Variants in ELL observed in about 807,000 individuals in gnomAD.
ELL encodes the protein RNA polymerase II elongation factor ELL.
ELL carries 18 observed loss-of-function variants against 64.0 expected under a neutral mutation model. That is an observed-to-expected ratio of 0.28 (90% CI 0.19 to 0.42). The LOEUF (loss-of-function observed/expected upper bound fraction) is 0.42. Ranked by LOEUF, ELL falls within the 10% of genes least tolerant of loss-of-function variation. The probability of loss-of-function intolerance (pLI) is 1.00; values close to 1 mark genes in which losing one functional copy is unlikely to be tolerated. For synonymous variants in ELL, 399 were observed against 376.2 expected (o/e 1.06, Z -0.70); for missense variants, 797 against 870.4 (o/e 0.92, Z 1.06).
At chr19:18,489,155 T>A (rs930711487) in intron 1 of ELL, among the ~76,000 whole-genome samples, 1 of 152,178 alleles carries the variant, frequency 6.6e-6, no homozygotes, top group Non-Finnish European at 1.5e-5. Flanking sequence ...GGATTGGGTA[T>A]TTGCCTAGCA....
At chr19:18,504,766 T>C (rs776516750) in intron 1 of ELL, among the ~76,000 whole-genome samples, 12 of 152,116 alleles carry the variant, frequency 7.9e-5, no homozygotes, top group Non-Finnish European at 1.3e-4. Context: ...ACACACCCCA[T>C]GGGCTGTCAT....
rs553967816 is a variant in ELL, at chr19:18,491,157, G to A, written c.136-18275C>T. The stretch of plus-strand genomic sequence containing the variant: ...GAGTGCAGTGGTGTGATCACAGCTC[G>A]CTGCAGCCTTGACCTCCCTGGCTCA... On this transcript the variant is annotated intron_variant, in intron 1 of 11. Coordinates refer to ENST00000262809, the MANE Select transcript of ELL (RefSeq NM_006532.4). 1.8e-3 allele frequency among the ~76,000 whole-genome samples: 278 copies of A among 151,182 alleles called. 1 individual carries two copies. Among genetic ancestry groups the A allele is most frequent in the Non-Finnish European group, 3.5e-3 (236 of 67,854 alleles).
At chr19:18,447,435 G>C (rs888216774) in intron 8 of ELL, among the ~76,000 whole-genome samples, 2 of 152,256 alleles carry the variant, frequency 1.3e-5, no homozygotes, top group Admixed American at 1.3e-4. Context: ...TCCAGGACAG[G>C]GCCAGCCAGA....
At chr19:18,491,675 G>A (rs1038577567) in intron 1 of ELL, among the ~76,000 whole-genome samples, 1 of 152,132 alleles carries the variant, frequency 6.6e-6, no homozygotes, top group Non-Finnish European at 1.5e-5. Context: ...AGCACTTTGG[G>A]AAGCCAAAGC....
chr19:18,467,415 G>T (rs1258369882), intron 2 of ELL, among the ~76,000 whole-genome samples: 2 of 152,126 alleles, frequency 1.3e-5, no homozygotes, highest in East Asian at 3.9e-4. Flanking sequence ...ACAAGCTGAG[G>T]GGTCAGGGCC....
At chr19:18,461,050 C>T (rs371071586) in intron 5 of ELL, among the ~76,000 whole-genome samples, 2 of 152,196 alleles carry the variant, frequency 1.3e-5, no homozygotes, top group South Asian at 2.1e-4. Flanking sequence ...CTCCACTCGC[C>T]AGCACCACAT....
chr19:18,517,679 G>A (rs1177690323), intron 1 of ELL, among the ~76,000 whole-genome samples: 1 of 151,542 alleles, frequency 6.6e-6, no homozygotes, highest in Non-Finnish European at 1.5e-5. Context: ...TAGGCAAAAT[G>A]GGGAAACCCC....
At chr19:18,464,241 C>A (rs1233532837) in intron 4 of ELL, among the ~76,000 whole-genome samples, 1 of 152,172 alleles carries the variant, frequency 6.6e-6, no homozygotes, top group Non-Finnish European at 1.5e-5. Context: ...TGGTGGCACA[C>A]ACCTGTGGTC....
At chr19:18,482,308 CTTTTTT>C (rs530594631) in intron 1 of ELL, among the ~76,000 whole-genome samples, 10,872 of 77,112 alleles carry the variant, frequency 0.14, 654 homozygotes, top group South Asian at 0.2. Context: ...CTTTTCATTC[CTTTTTT>C]TTTTTTTTTT....
Position 18,443,598 on chromosome 19 carries a change from A to G in ELL, c.*1154T>C. On this transcript the variant is annotated 3_prime_UTR_variant, in exon 12 of 12. Transcript: ENST00000262809. ...GGTCCCCACATACGCACACTCACAC[A>G]CCCACACTTGCGTGGCCCCCCGATG... is the stretch of plus-strand genomic sequence containing the variant. 4.3e-6 allele frequency: 1 copy of G among 233,114 alleles called. No homozygotes were observed. The allele number at this position is 233,114 out of a possible 1,614,324, so 14.4% of individuals were successfully genotyped here.
chr19:18,460,982 G>T (rs1372814187), intron 5 of ELL, among the ~76,000 whole-genome samples: 1 of 152,174 alleles, frequency 6.6e-6, no homozygotes, highest in African/African-American at 2.4e-5. Context: ...GAGGGGGGTG[G>T]AAGGCAGTCA....
chr19:18,463,888 AG>A (rs1974884440), intron 4 of ELL, among the ~76,000 whole-genome samples: 1 of 151,804 alleles, frequency 6.6e-6, no homozygotes, highest in Admixed American at 6.6e-5. Flanking sequence ...CGGGAGGCTG[AG>A]GCAGGAGAAT....
intron 4 of ELL, among the ~76,000 whole-genome samples, chr19:18,464,674 C>G (rs573863330): frequency 3.7e-4 from 57 of 152,340 alleles, no homozygotes; most frequent in Non-Finnish European, 6.5e-4. Context: ...AAAAAGCCAT[C>G]AAGGCTGTCG....
intron 1 of ELL, among the ~76,000 whole-genome samples, chr19:18,474,736 G>A (rs115763736): frequency 2.1e-3 from 324 of 152,316 alleles, no homozygotes; most frequent in African/African-American, 7.0e-3. Context: ...CCCAAAACAC[G>A]ACTCAACCAC....
At chr19:18,496,983 T>C (rs2144960489) in intron 1 of ELL, among the ~76,000 whole-genome samples, 2 of 152,320 alleles carry the variant, frequency 1.3e-5, no homozygotes, top group East Asian at 3.9e-4. Flanking sequence ...CCTCAACAGA[T>C]TCCTGAAAAA....
Position 18,444,352 on chromosome 19 carries a change from G to T in ELL, c.*400C>A, listed in dbSNP as rs1490173983. On this transcript the variant is annotated 3_prime_UTR_variant, in exon 12 of 12. Transcript: ENST00000262809. Reference sequence around the variant, plus strand: ...GAGGGAGGCACAGGTTTAGAAAAAAGATTTTGCTTCTCTTTTGTACAAAAA... The same window carrying T: ...GAGGGAGGCACAGGTTTAGAAAAAATATTTTGCTTCTCTTTTGTACAAAAA... 2 of 244,800 alleles carry T rather than the reference G, an allele frequency of 8.2e-6. No homozygotes were observed. The highest frequency in any genetic ancestry group is 8.0e-6 in the Non-Finnish European group (1 of 125,088). 15.2% of individuals were successfully genotyped at this position (244,800 alleles called of 1,614,324 possible). A position where few individuals can be genotyped will look rare whatever the true frequency, so the allele number is the denominator to read the frequency against.
At chr19:18,454,840 C>CCAAAAAAA (rs1974621815) in intron 6 of ELL, among the ~76,000 whole-genome samples, 1 of 56,512 alleles carries the variant, frequency 1.8e-5, no homozygotes, top group Non-Finnish European at 3.4e-5. Flanking sequence ...GACTCAGTCT[C>CCAAAAAAA]AAAAAAAAAA....
chr19:18,471,455 G>T, intron 2 of ELL: 1 of 352,732 alleles, frequency 2.8e-6, no homozygotes, highest in South Asian at 2.1e-5. Flanking sequence ...ATCACCTGAG[G>T]TCAGGAGTTT....
chr19:18,463,912 G>T (rs1974885369), intron 4 of ELL, among the ~76,000 whole-genome samples: 1 of 151,842 alleles, frequency 6.6e-6, no homozygotes, highest in African/African-American at 2.4e-5. Context: ...CGTGAACCCG[G>T]GAGGCGGAGG....
Sources: allele counts gnomAD v4.1 joint callset (sites outside exome capture counted in the v4.1 genomes callset), GRCh38; gene constraint gnomAD v4.1.1; transcripts MANE v1.5; gene names NCBI Gene and HGNC (gene_info 2026-07-23, HGNC 2026-07-21).